Variants in MAGI2 observed in about 807,000 individuals in gnomAD.
MAGI2 encodes membrane-associated guanylate kinase, WW and PDZ domain-containing protein 2.
Under a neutral mutation model 133.3 loss-of-function variants are expected in MAGI2, and 35 were observed. The observed-to-expected ratio is 0.26, with a 90% CI of 0.20 to 0.35. The LOEUF (loss-of-function observed/expected upper bound fraction) is 0.35, where lower values mean the gene tolerates loss of function less well. MAGI2 is among the 10% of genes least tolerant of loss of function. The pLI is 1.00. For missense variants in MAGI2, 1,636 were observed against 1,863.4 expected (o/e 0.88, Z 2.25); for synonymous variants, 729 against 710.6 (o/e 1.03, Z -0.41).
At chr7:79,031,147 T>G (rs1471333246) in intron 1 of MAGI2, among the ~76,000 whole-genome samples, 1 of 152,176 alleles carries the variant, frequency 6.6e-6, no homozygotes, top group Non-Finnish European at 1.5e-5. Context: ...ACAATTACCT[T>G]CCCTTTGCCG....
intron 1 of MAGI2, among the ~76,000 whole-genome samples, chr7:79,321,577 A>AT (rs1372062790): frequency 6.6e-6 from 1 of 152,162 alleles, no homozygotes; most frequent in Non-Finnish European, 1.5e-5. Flanking sequence ...GAGAGAACAA[A>AT]TTTTTTTCTT....
At position 78,159,714 on chromosome 7, in the gene MAGI2, C is replaced by T. The variant is rs543068692; in HGVS notation, c.2845+311G>A. 3.0e-5 allele frequency: 6 copies of T among 200,108 alleles called. No homozygotes were observed. In the East Asian group the frequency reaches 6.9e-4, roughly 23 times the overall value. 12.4% of individuals were successfully genotyped at this position (200,108 alleles called of 1,614,324 possible). Reference sequence around the variant, plus strand: ...TGACCAACCCATAAAAGGAAGCACCCCTCCTTTCAAGGCAACATTACCATA... The same window carrying T: ...TGACCAACCCATAAAAGGAAGCACCTCTCCTTTCAAGGCAACATTACCATA... On this transcript the variant is annotated intron_variant, in intron 16 of 21. Transcript: ENST00000354212.
At chr7:78,061,354 A>G (rs1813233463) in intron 21 of MAGI2, among the ~76,000 whole-genome samples, 1 of 150,036 alleles carries the variant, frequency 6.7e-6, no homozygotes, top group African/African-American at 2.5e-5. Context: ...ATGGGAATGG[A>G]GGAGAGGCTG....
chr7:79,113,582 G>C (rs74344138), intron 1 of MAGI2, among the ~76,000 whole-genome samples: 3,880 of 152,266 alleles, frequency 0.025, 164 homozygotes, highest in African/African-American at 0.088. Flanking sequence ...ATGTTCATCT[G>C]TTACTTATTT....
chr7:79,061,632 G>A (rs997703081), intron 1 of MAGI2, among the ~76,000 whole-genome samples: 2 of 151,986 alleles, frequency 1.3e-5, no homozygotes, highest in Non-Finnish European at 2.9e-5. Context: ...TTTATAACTG[G>A]GACCAAGATT....
intron 6 of MAGI2, among the ~76,000 whole-genome samples, chr7:78,430,455 C>T (rs1799687734): frequency 6.6e-6 from 1 of 151,498 alleles, no homozygotes; most frequent in Non-Finnish European, 1.5e-5. Flanking sequence ...AAGTAGTATT[C>T]CAGGAAACTT....
At chr7:78,318,814 T>G (rs1787696269) in intron 9 of MAGI2, among the ~76,000 whole-genome samples, 1 of 152,150 alleles carries the variant, frequency 6.6e-6, no homozygotes, top group African/African-American at 2.4e-5. Flanking sequence ...GGGGCCGATA[T>G]TCAACATTCT....
intron 2 of MAGI2, among the ~76,000 whole-genome samples, chr7:78,966,314 C>T (rs1803298445): frequency 6.6e-6 from 1 of 151,964 alleles, no homozygotes; most frequent in Non-Finnish European, 1.5e-5. Context: ...AACTTTATAC[C>T]TGTTGAACAG....
chr7:78,030,965 C>T (rs1262753016), intron 21 of MAGI2, among the ~76,000 whole-genome samples: 1 of 152,206 alleles, frequency 6.6e-6, no homozygotes, highest in Non-Finnish European at 1.5e-5. Flanking sequence ...AAACTGGGAA[C>T]CACCAAAATG....
chr7:78,810,949 C>A (rs1322128081), intron 2 of MAGI2, among the ~76,000 whole-genome samples: 1 of 151,952 alleles, frequency 6.6e-6, no homozygotes, highest in Non-Finnish European at 1.5e-5. Context: ...AAGATATAAA[C>A]ATATATGGCA....
intron 2 of MAGI2, among the ~76,000 whole-genome samples, chr7:78,861,176 G>A (rs891975615): frequency 4.6e-5 from 7 of 152,146 alleles, no homozygotes; most frequent in African/African-American, 1.2e-4. Flanking sequence ...GGAATTCCCC[G>A]ACCCCTTGCA....
chr7:79,114,904 T>C (rs752422965), intron 1 of MAGI2, among the ~76,000 whole-genome samples: 24 of 152,172 alleles, frequency 1.6e-4, no homozygotes, highest in Non-Finnish European at 3.5e-4. Context: ...AGTAGCTACT[T>C]GGTCTAAATT....
At chr7:79,359,416 G>A (rs1196770747) in intron 1 of MAGI2, among the ~76,000 whole-genome samples, 1 of 151,850 alleles carries the variant, frequency 6.6e-6, no homozygotes, top group Non-Finnish European at 1.5e-5. Flanking sequence ...AAGTGAGGCT[G>A]AATAAATATT....
intron 5 of MAGI2, among the ~76,000 whole-genome samples, chr7:78,494,843 A>G (rs979975865): frequency 2.6e-5 from 4 of 152,188 alleles, no homozygotes; most frequent in Non-Finnish European, 5.9e-5. Context: ...CAAATAGCCA[A>G]TTCTGAATCT....
At chr7:78,531,934 C>T (rs187635751) in intron 3 of MAGI2, among the ~76,000 whole-genome samples, 54 of 152,216 alleles carry the variant, frequency 3.5e-4, no homozygotes, top group African/African-American at 1.2e-3. Context: ...AATCTCTAAC[C>T]CTCAGTTGCT....
chr7:78,368,324 G>A (rs775503004), intron 7 of MAGI2, among the ~76,000 whole-genome samples: 1 of 152,046 alleles, frequency 6.6e-6, no homozygotes, highest in Non-Finnish European at 1.5e-5. Flanking sequence ...AATGTGGTTG[G>A]AAAAAACAAA....
chr7:78,637,235 T>C (rs189519040), intron 2 of MAGI2, among the ~76,000 whole-genome samples: 1 of 152,340 alleles, frequency 6.6e-6, no homozygotes, highest in African/African-American at 2.4e-5. Flanking sequence ...GTATTTTTCA[T>C]AGTGAAGTGT....
chr7:79,305,889 C>T (rs1436716686), intron 1 of MAGI2, among the ~76,000 whole-genome samples: 2 of 151,990 alleles, frequency 1.3e-5, no homozygotes, highest in Non-Finnish European at 2.9e-5. Flanking sequence ...GCACTCCAAC[C>T]CGGGTGTAAG....
intron 1 of MAGI2, among the ~76,000 whole-genome samples, chr7:79,302,290 C>T (rs1054272763): frequency 6.6e-6 from 1 of 152,090 alleles, no homozygotes; most frequent in East Asian, 1.9e-4. Context: ...ATAAAATATT[C>T]TCTGTGTTAA....
Sources: allele counts gnomAD v4.1 joint callset (sites outside exome capture counted in the v4.1 genomes callset), GRCh38; gene constraint gnomAD v4.1.1; transcripts MANE v1.5; gene names NCBI Gene and HGNC (gene_info 2026-07-23, HGNC 2026-07-21).